Variants in EYS observed in about 807,000 individuals in gnomAD.
EYS encodes EGF-like photoreceptor maintenance factor.
Under a neutral mutation model 282.1 loss-of-function variants are expected in EYS, and 250 were observed. The observed-to-expected ratio is 0.89, with a 90% CI of 0.80 to 0.98. EYS has a LOEUF of 0.98. EYS is among the 50% of genes least tolerant of loss of function. The probability of loss-of-function intolerance (pLI) is 0.00; values close to 1 mark genes in which losing one functional copy is unlikely to be tolerated. For missense variants in EYS, 4,016 were observed against 3,709.0 expected, an observed-to-expected ratio of 1.08 and a Z score of -2.15; for synonymous variants, 1,355 against 1,282.9, an observed-to-expected ratio of 1.06 and a Z score of -1.20.
At chr6:64,668,687 CCCAAG>C (rs1349947161) in intron 22 of EYS, among the ~76,000 whole-genome samples, 22 of 151,744 alleles carry the variant, frequency 1.4e-4, no homozygotes, top group Non-Finnish European at 2.9e-5. Flanking sequence ...GCCTCAGCCT[CCCAAG>C]TAGCTGGGAC....
At chr6:64,194,085 G>T (rs1388319057) in intron 31 of EYS, among the ~76,000 whole-genome samples, 1 of 152,008 alleles carries the variant, frequency 6.6e-6, no homozygotes, top group African/African-American at 2.4e-5. Context: ...CGTAAGCCAG[G>T]ATAGTCTCGA....
At chr6:65,115,771 G>GAC (rs1775351914) in intron 12 of EYS, among the ~76,000 whole-genome samples, 1 of 120,810 alleles carries the variant, frequency 8.3e-6, no homozygotes, top group Non-Finnish European at 1.7e-5. Context: ...TCTGATAAAA[G>GAC]ACATAGATTA....
intron 29 of EYS, among the ~76,000 whole-genome samples, chr6:64,372,004 C>T (rs899349515): frequency 2.0e-5 from 3 of 152,018 alleles, no homozygotes; most frequent in Non-Finnish European, 2.9e-5. Context: ...AGCATTTAGA[C>T]TGTTCACTTT....
At chr6:63,758,466 A>T (rs1446949758) in intron 41 of EYS, among the ~76,000 whole-genome samples, 2 of 152,016 alleles carry the variant, frequency 1.3e-5, no homozygotes, top group Non-Finnish European at 2.9e-5. Context: ...CTTTCTCTGT[A>T]GGAGGCGACT....
rs971930878 is a variant in EYS, at chr6:64,831,896, A to G, written c.2993-9074T>C. ...ACTCATTGTTTTTAGATCATTCTAA[A>G]TGAGTGAGTCAAGAAAGGTATGTGA... On this transcript the variant is annotated intron_variant, in intron 19 of 42. Transcript: ENST00000503581. Among the ~76,000 whole-genome samples the G allele has an allele frequency of 3.3e-5, 5 of 152,112 alleles. No individual in the cohort carries two copies. The East Asian group carries it at 9.7e-4, about 30-fold the overall frequency.
chr6:64,821,581 C>T, intron 21 of EYS, 64 bp downstream of exon 21: 1 of 815,680 alleles, frequency 1.2e-6, no homozygotes, highest in South Asian at 1.7e-5. Context: ...CTACAGCAAG[C>T]AATTTGATTT....
intron 12 of EYS, among the ~76,000 whole-genome samples, chr6:65,280,176 G>A (rs1768176857): frequency 6.6e-6 from 1 of 152,074 alleles, no homozygotes; most frequent in Non-Finnish European, 1.5e-5. Context: ...CTAAAATAAT[G>A]TTACTAATTT....
intron 26 of EYS, among the ~76,000 whole-genome samples, chr6:64,479,319 T>C (rs1411413317): frequency 6.6e-6 from 1 of 151,990 alleles, no homozygotes; most frequent in Non-Finnish European, 1.5e-5. Flanking sequence ...ACAGTTTTGA[T>C]TACGTCACTT....
At chr6:64,575,210 A>G (rs1378268797) in intron 26 of EYS, among the ~76,000 whole-genome samples, 2 of 152,116 alleles carry the variant, frequency 1.3e-5, no homozygotes, top group African/African-American at 4.8e-5. Context: ...CCACATGAAA[A>G]TATGGATTGA....
At chr6:65,433,836 CT>C (rs140676631) in intron 5 of EYS, among the ~76,000 whole-genome samples, 28,290 of 152,020 alleles carry the variant, frequency 0.19, 3,263 homozygotes, top group Middle Eastern at 0.3. Context: ...TTTAATCTTT[CT>C]TTTGGCCCAG....
chr6:65,096,766 C>T (rs1356013746), intron 12 of EYS, among the ~76,000 whole-genome samples: 1 of 150,928 alleles, frequency 6.6e-6, no homozygotes, highest in Non-Finnish European at 1.5e-5. Context: ...TTTTCTTCAA[C>T]AAATGCTATT....
chr6:64,726,363 T>C (rs1268673710), intron 22 of EYS, among the ~76,000 whole-genome samples: 1 of 152,188 alleles, frequency 6.6e-6, no homozygotes, highest in East Asian at 1.9e-4. Flanking sequence ...TTTCACACAT[T>C]GCCTAGCACT....
intron 19 of EYS, among the ~76,000 whole-genome samples, chr6:64,823,996 A>G (rs988085911): frequency 1.3e-5 from 2 of 151,898 alleles, no homozygotes; most frequent in African/African-American, 4.8e-5. Context: ...GGCTCTTACT[A>G]TGTGCCAGGT....
At chr6:64,122,623 T>A (rs1352105889) in intron 31 of EYS, among the ~76,000 whole-genome samples, 1 of 152,104 alleles carries the variant, frequency 6.6e-6, no homozygotes, top group Non-Finnish European at 1.5e-5. Context: ...TTTTCTTATT[T>A]CTAACAAGGA....
chr6:65,239,972 ATT>A (rs5876954), intron 12 of EYS, among the ~76,000 whole-genome samples: 41 of 144,148 alleles, frequency 2.8e-4, no homozygotes, highest in African/African-American at 5.9e-4. Flanking sequence ...ATATATTTTG[ATT>A]TTTTTTTTTT....
intron 22 of EYS, among the ~76,000 whole-genome samples, chr6:64,669,705 A>G (rs1349279072): frequency 6.6e-6 from 1 of 152,200 alleles, no homozygotes; most frequent in African/African-American, 2.4e-5. Context: ...ATTTGTTCTT[A>G]AAATGACATT....
intron 2 of EYS, among the ~76,000 whole-genome samples, chr6:65,511,476 C>T (rs570479796): frequency 1.3e-5 from 2 of 152,168 alleles, no homozygotes; most frequent in South Asian, 2.1e-4. Flanking sequence ...CTCCCATCTA[C>T]ATGCTTCTAC....
intron 29 of EYS, among the ~76,000 whole-genome samples, chr6:64,332,208 C>A (rs368567869): frequency 2.8e-4 from 42 of 152,294 alleles, no homozygotes; most frequent in African/African-American, 9.6e-4. Flanking sequence ...ATGTCAGGTG[C>A]ACCCCTACTA....
intron 26 of EYS, among the ~76,000 whole-genome samples, chr6:64,550,346 C>T (rs1383325616): frequency 6.6e-6 from 1 of 152,158 alleles, no homozygotes; most frequent in Non-Finnish European, 1.5e-5. Context: ...TGTTTACAGA[C>T]CCACCAACAG....
Sources: allele counts gnomAD v4.1 joint callset (sites outside exome capture counted in the v4.1 genomes callset), GRCh38; gene constraint gnomAD v4.1.1; transcripts MANE v1.5; gene names NCBI Gene and HGNC (gene_info 2026-07-23, HGNC 2026-07-21).